The following HLCS variants were observed in gnomAD, a reference collection of about 807,000 sequenced individuals.
The protein encoded by HLCS is biotin--protein ligase.
Under a neutral mutation model 75.0 loss-of-function variants are expected in HLCS, and 53 were observed. The observed-to-expected ratio is 0.71, with a 90% CI of 0.57 to 0.89. The LOEUF is 0.89. Ranked by LOEUF, HLCS falls within the 40% of genes least tolerant of loss-of-function variation. HLCS has a pLI of 0.00. For synonymous variants in HLCS, 431 were observed against 428.6 expected (o/e 1.01, Z -0.07); for missense variants, 966 against 1,074.0 (o/e 0.90, Z 1.41).
intron 10 of HLCS, among the ~76,000 whole-genome samples, chr21:36,755,983 C>T (rs1368137740): frequency 6.6e-6 from 1 of 152,232 alleles, no homozygotes; most frequent in African/African-American, 2.4e-5. Flanking sequence ...TAAACTCTCT[C>T]ACTATTTCGG....
At chr21:36,989,622 C>T (rs1187957475) in intron 1 of HLCS, among the ~76,000 whole-genome samples, 1 of 152,202 alleles carries the variant, frequency 6.6e-6, no homozygotes, top group Admixed American at 6.5e-5. Flanking sequence ...AACCACCGCG[C>T]CCGGCCCCAG....
At chr21:36,816,587 T>C (rs997691282) in intron 6 of HLCS, among the ~76,000 whole-genome samples, 2 of 152,222 alleles carry the variant, frequency 1.3e-5, no homozygotes, top group Non-Finnish European at 2.9e-5. Context: ...GGACTAACCA[T>C]CCTTCTCTGG....
chr21:36,754,200 G>A lies in HLCS; in HGVS notation c.*46C>T. The A allele has an allele frequency of 6.3e-7, 1 of 1,587,894 alleles. No homozygotes were observed. The highest frequency in any genetic ancestry group is 8.6e-7 in the Non-Finnish European group (1 of 1,158,370). On this transcript the variant is annotated 3_prime_UTR_variant, in exon 11 of 11. Coordinates refer to ENST00000674895, the MANE Select transcript of HLCS (RefSeq NM_001352514.2). ...CCTACAACTCTAAATTAGATTTCCA[G>A]ATGCATGGGCACGGACAGGCAGCCG...
Position 36,824,588 on chromosome 21 carries a change from A to G in HLCS, c.1893-57303T>C, listed in dbSNP as rs147265425. On this transcript the variant is annotated intron_variant, in intron 6 of 10. Coordinates refer to ENST00000674895, the MANE Select transcript of HLCS (RefSeq NM_001352514.2). ...TTCTGCACATGTATCCCAGAACTTA[A>G]AGCAAAAAACAAACAAACAAACAAA... Among the ~76,000 whole-genome samples, 1,070 of 152,308 alleles carry G rather than the reference A, an allele frequency of 7.0e-3. 16 individuals are homozygous for G. The highest frequency in any genetic ancestry group is 0.024 in the African/African-American group (996 of 41,558).
intron 6 of HLCS, among the ~76,000 whole-genome samples, chr21:36,820,377 C>A (rs1012557036): frequency 6.6e-6 from 1 of 151,498 alleles, no homozygotes; most frequent in Non-Finnish European, 1.5e-5. Context: ...ACGGCCGGGC[C>A]GCCGACTGGG....
chr21:36,942,916 C>A (rs940527923), intron 2 of HLCS, among the ~76,000 whole-genome samples: 1 of 151,202 alleles, frequency 6.6e-6, no homozygotes, highest in Non-Finnish European at 1.5e-5. Flanking sequence ...GGCGACAGAG[C>A]GAGACTCCAT....
chr21:36,930,740 T>A (rs1051798866), intron 4 of HLCS, among the ~76,000 whole-genome samples: 1 of 152,184 alleles, frequency 6.6e-6, no homozygotes, highest in Non-Finnish European at 1.5e-5. Context: ...GGACACAGTA[T>A]AACCCACAAG....
chr21:36,754,637 A>G (rs2089489903), intron 10 of HLCS, among the ~76,000 whole-genome samples: 1 of 152,222 alleles, frequency 6.6e-6, no homozygotes, highest in African/African-American at 2.4e-5. Flanking sequence ...AAGTTCAACA[A>G]GGAGTCGAAA....
Position 36,936,829 on chromosome 21 carries a change from G to A in HLCS, c.1057C>T (p.Leu353Phe), listed in dbSNP as rs1456141314. 1.2e-6 allele frequency: 2 copies of A among 1,614,058 alleles called. No homozygotes were observed. Among genetic ancestry groups the A allele is most frequent in the African/African-American group, 1.3e-5 (1 of 74,926 alleles). Reference protein sequence around the residue: ...ILYHLLEDSALRDPWTDNCLL... With the variant: ...ILYHLLEDSAFRDPWTDNCLL... The stretch of plus-strand genomic sequence containing the variant: ...CAGTTGTCCGTCCACGGGTCTCTGA[G>A]AGCACTGTCCTCCAGCAGGTGGTAG... Residue 353 changes from leucine (L) to phenylalanine (F), a missense_variant, in exon 4 of 11, where the codon CTC becomes TTC. Leu to Phe is a conservative substitution (Grantham distance 22). Transcript: ENST00000674895.
At chr21:36,873,936 T>G (rs2063859773) in intron 6 of HLCS, among the ~76,000 whole-genome samples, 1 of 152,246 alleles carries the variant, frequency 6.6e-6, no homozygotes, top group Non-Finnish European at 1.5e-5. Flanking sequence ...CATTTTTCTT[T>G]TATAGTTATT....
chr21:36,851,336 A>T (rs2062999075), intron 6 of HLCS, among the ~76,000 whole-genome samples: 1 of 152,230 alleles, frequency 6.6e-6, no homozygotes, highest in Admixed American at 6.5e-5. Context: ...ACAATGGAGC[A>T]CTATCCAGCC....
Position 36,938,976 on chromosome 21 carries a change from A to G in HLCS, c.349T>C (p.Cys117Arg), listed in dbSNP as rs1375428264. Reference protein sequence around the residue: ...SSETIVKWSDCCLPLACRPGD... With the variant: ...SSETIVKWSDRCLPLACRPGD... ...GGTCTGCAAGCTAATGGCAAACAAC[A>G]GTCTGACCACTTGACAATCTGAGAA... The change falls in exon 3 of 11, where the codon TGT (cysteine) becomes CGT (arginine). Residue 117 changes from cysteine (C) to arginine (R), a missense_variant. Coordinates refer to ENST00000674895, the MANE Select transcript of HLCS (RefSeq NM_001352514.2). 6.2e-7 allele frequency: 1 copy of G among 1,609,222 alleles called. No individual in the cohort carries two copies. Among genetic ancestry groups the G allele is most frequent in the Admixed American group, 1.7e-5 (1 of 59,986 alleles).
At chr21:36,858,080 G>T (rs1425318122) in intron 6 of HLCS, among the ~76,000 whole-genome samples, 2 of 152,044 alleles carry the variant, frequency 1.3e-5, no homozygotes, top group African/African-American at 4.8e-5. Context: ...GAGCCACTGC[G>T]CCTGGCCAGG....
At chr21:36,921,672 C>A (rs996525178) in intron 5 of HLCS, among the ~76,000 whole-genome samples, 1 of 152,108 alleles carries the variant, frequency 6.6e-6, no homozygotes, top group African/African-American at 2.4e-5. Context: ...TCGCTCACAC[C>A]TAGAATCTGA....
intron 8 of HLCS, among the ~76,000 whole-genome samples, chr21:36,760,879 G>A (rs1043706324): frequency 2.0e-5 from 3 of 152,210 alleles, no homozygotes; most frequent in Non-Finnish European, 2.9e-5. Context: ...ACACAGAGAC[G>A]GGGCTAGCCG....
At chr21:36,906,582 C>T (rs1017686178) in intron 5 of HLCS, among the ~76,000 whole-genome samples, 4 of 151,424 alleles carry the variant, frequency 2.6e-5, no homozygotes, top group Non-Finnish European at 5.9e-5. Context: ...AAAAGATACA[C>T]CATGTTCATG....
intron 6 of HLCS, among the ~76,000 whole-genome samples, chr21:36,780,184 A>C (rs2060483299): frequency 6.6e-6 from 1 of 152,134 alleles, no homozygotes; most frequent in Non-Finnish European, 1.5e-5. Flanking sequence ...TCTGAGGTGG[A>C]GCTGAGGCGG....
At chr21:36,933,093 G>A (rs2066720006) in intron 4 of HLCS, among the ~76,000 whole-genome samples, 1 of 151,708 alleles carries the variant, frequency 6.6e-6, no homozygotes, top group Non-Finnish European at 1.5e-5. Flanking sequence ...ACTCCAGCCT[G>A]GGTGACAGAG....
intron 6 of HLCS, among the ~76,000 whole-genome samples, chr21:36,798,245 G>GCAAT (rs914452315): frequency 6.6e-6 from 1 of 152,146 alleles, no homozygotes; most frequent in African/African-American, 2.4e-5. Flanking sequence ...AGGAAGGGAG[G>GCAAT]CAATCACACA....
Sources: gnomAD v4.1 joint callset for allele counts (sites outside exome capture counted in the v4.1 genomes callset) on GRCh38, gnomAD v4.1.1 for gene constraint, MANE v1.5 for transcripts, NCBI Gene and HGNC (gene_info 2026-07-23, HGNC 2026-07-21) for gene names.